Variants in RIN3 observed in about 807,000 individuals in gnomAD.
RIN3 encodes Ras and Rab interactor 3.
Under a neutral mutation model 76.3 loss-of-function variants are expected in RIN3, and 54 were observed. That is an observed-to-expected ratio of 0.71 (90% confidence interval 0.57 to 0.89). RIN3 has a LOEUF of 0.89. RIN3 is among the 40% of genes least tolerant of loss of function. RIN3 has a pLI of 0.00. For missense variants in RIN3, 1,256 were observed against 1,322.1 expected (o/e 0.95, Z 0.78); for synonymous variants, 576 against 564.0 (o/e 1.02, Z -0.30).
At chr14:92,647,011 T>C (rs1887226046) in intron 5 of RIN3, among the ~76,000 whole-genome samples, 1 of 152,260 alleles carries the variant, frequency 6.6e-6, no homozygotes, top group Non-Finnish European at 1.5e-5. Context: ...CTGGATGATC[T>C]TGTAGTTACA....
intron 1 of RIN3, among the ~76,000 whole-genome samples, chr14:92,553,026 T>G (rs1342057251): frequency 8.1e-6 from 1 of 123,234 alleles, no homozygotes; most frequent in Non-Finnish European, 1.7e-5. Context: ...GTTCTGCAGG[T>G]AAAAAAAAAA....
intron 1 of RIN3, among the ~76,000 whole-genome samples, chr14:92,541,002 C>G (rs947566479): frequency 3.3e-5 from 5 of 152,204 alleles, no homozygotes; most frequent in African/African-American, 1.2e-4. Context: ...CAGCTGCTGT[C>G]AGTCAACTGG....
chr14:92,538,659 T>G (rs916379580), intron 1 of RIN3, among the ~76,000 whole-genome samples: 7 of 152,222 alleles, frequency 4.6e-5, no homozygotes, highest in African/African-American at 1.7e-4. Flanking sequence ...GCCTACACTG[T>G]GCGGTCTTAG....
At chr14:92,595,987 CTG>C (rs1885137635) in intron 3 of RIN3, among the ~76,000 whole-genome samples, 1 of 152,188 alleles carries the variant, frequency 6.6e-6, no homozygotes, top group South Asian at 2.1e-4. Context: ...CTGATGTTTT[CTG>C]TGTCTCTTTG....
chr14:92,538,203 A>G (rs1897051859), intron 1 of RIN3, among the ~76,000 whole-genome samples: 1 of 151,356 alleles, frequency 6.6e-6, no homozygotes, highest in Admixed American at 6.6e-5. Context: ...CTCCTGACCT[A>G]GGTGATCTGC....
chr14:92,639,046 A>G (rs1455469452), intron 4 of RIN3, among the ~76,000 whole-genome samples: 2 of 152,210 alleles, frequency 1.3e-5, no homozygotes, highest in East Asian at 1.9e-4. Flanking sequence ...CTGCTCTGCT[A>G]TGCCTCCAGT....
At chr14:92,539,494 C>G (rs1026105697) in intron 1 of RIN3, among the ~76,000 whole-genome samples, 4 of 152,158 alleles carry the variant, frequency 2.6e-5, no homozygotes, top group Non-Finnish European at 4.4e-5. Flanking sequence ...ACCCAGGCTG[C>G]CTGGTTCTCA....
intron 7 of RIN3, among the ~76,000 whole-genome samples, chr14:92,662,513 C>A (rs1281350348): frequency 6.6e-6 from 1 of 152,260 alleles, no homozygotes; most frequent in Non-Finnish European, 1.5e-5. Flanking sequence ...GGCACAGCCA[C>A]AACCACCTTG....
intron 8 of RIN3, among the ~76,000 whole-genome samples, chr14:92,678,671 C>T (rs1372555431): frequency 6.6e-6 from 1 of 152,008 alleles, no homozygotes. Context: ...TCCACCCGTC[C>T]ACCCATCCAC....
intron 1 of RIN3, among the ~76,000 whole-genome samples, chr14:92,528,053 C>T (rs1303790655): frequency 5.8e-4 from 26 of 45,090 alleles, no homozygotes; most frequent in African/African-American, 1.8e-4. Context: ...GGGAGGGGGG[C>T]GTGGAAGGGG....
intron 3 of RIN3, among the ~76,000 whole-genome samples, chr14:92,599,392 T>G (rs1418395177): frequency 6.6e-6 from 1 of 152,040 alleles, no homozygotes; most frequent in African/African-American, 2.4e-5. Flanking sequence ...CAGACATATT[T>G]AGGAGGAGGA....
At chr14:92,556,212 G>C (rs1897576555) in intron 2 of RIN3, among the ~76,000 whole-genome samples, 1 of 152,106 alleles carries the variant, frequency 6.6e-6, no homozygotes, top group African/African-American at 2.4e-5. Context: ...TGGCTTGCAG[G>C]CTCTCAGGGC....
At chr14:92,632,953 G>T (rs911492046) in intron 4 of RIN3, among the ~76,000 whole-genome samples, 1 of 152,192 alleles carries the variant, frequency 6.6e-6, no homozygotes, top group Non-Finnish European at 1.5e-5. Flanking sequence ...ACTTCCTTCC[G>T]CAGGTGCTGT....
chr14:92,589,689 C>T (rs887894584), intron 3 of RIN3, among the ~76,000 whole-genome samples: 2 of 152,154 alleles, frequency 1.3e-5, no homozygotes, highest in African/African-American at 4.8e-5. Context: ...AAACTTTGTG[C>T]AATAATAGTG....
intron 2 of RIN3, among the ~76,000 whole-genome samples, chr14:92,574,873 G>A (rs954170711): frequency 5.3e-5 from 8 of 152,108 alleles, no homozygotes; most frequent in African/African-American, 1.7e-4. Flanking sequence ...TAAGCCAAGT[G>A]GAGGCAAAAT....
chr14:92,520,630 C>T (rs1368764550), intron 1 of RIN3, among the ~76,000 whole-genome samples: 2 of 152,190 alleles, frequency 1.3e-5, no homozygotes, highest in Admixed American at 1.3e-4. Context: ...AGAGGGCACC[C>T]CAACAGTAGC....
In RIN3 at chr14:92,676,617, A is replaced by ACC. The variant is rs748641805; in HGVS notation, c.2467+15_2467+16dup. 42 of 1,610,754 alleles carry ACC rather than the reference A, an allele frequency of 2.6e-5. No individual in the cohort carries two copies. Among genetic ancestry groups the ACC allele is most frequent in the Non-Finnish European group, 3.6e-5 (42 of 1,178,516 alleles). ...TGCAGCTGGGGGAGGGTGAGTCACCACCCCCTGCCCATCAGGTGCATTGCA... is the reference window on the plus strand; with the variant it reads ...TGCAGCTGGGGGAGGGTGAGTCACCACCCCCCCTGCCCATCAGGTGCATTGCA... On this transcript the variant is annotated intron_variant, in intron 8 of 9. Coordinates refer to ENST00000216487, the MANE Select transcript of RIN3 (RefSeq NM_024832.5).
intron 2 of RIN3, among the ~76,000 whole-genome samples, chr14:92,561,456 C>G (rs1007754787): frequency 6.6e-6 from 1 of 151,688 alleles, no homozygotes; most frequent in East Asian, 1.9e-4. Flanking sequence ...AGCAAGGCAA[C>G]CAAATAGCCA....
At chr14:92,552,705 G>A (rs897214522) in intron 1 of RIN3, among the ~76,000 whole-genome samples, 2 of 151,988 alleles carry the variant, frequency 1.3e-5, no homozygotes, top group East Asian at 1.9e-4. Context: ...CACCTTTTCC[G>A]GGTGTCTTCC....
Sources: gnomAD v4.1 joint callset for allele counts (sites outside exome capture counted in the v4.1 genomes callset) on GRCh38, gnomAD v4.1.1 for gene constraint, MANE v1.5 for transcripts, NCBI Gene and HGNC (gene_info 2026-07-23, HGNC 2026-07-21) for gene names.